Variants in CSMD1 observed in about 807,000 individuals in gnomAD.
The protein encoded by CSMD1 is CUB and Sushi multiple domains 1.
CSMD1 carries 213 observed loss-of-function variants against 417.5 expected under a neutral mutation model. That is an observed-to-expected ratio of 0.51 (90% CI 0.46 to 0.57). CSMD1 has a LOEUF of 0.57. CSMD1 is among the 20% of genes least tolerant of loss of function. The pLI is 0.00. For synonymous variants in CSMD1, 2,862 were observed against 1,736.8 expected, an observed-to-expected ratio of 1.65 and a Z score of -16.11; for missense variants, 6,923 against 4,529.7, an observed-to-expected ratio of 1.53 and a Z score of -15.17.
At chr8:4,415,846 T>C (rs1039974843) in intron 3 of CSMD1, among the ~76,000 whole-genome samples, 2 of 152,170 alleles carry the variant, frequency 1.3e-5, no homozygotes, top group African/African-American at 4.8e-5. Context: ...TGTGTATACG[T>C]AAATAAACGT....
At chr8:4,000,091 G>C (rs1815548525) in intron 4 of CSMD1, among the ~76,000 whole-genome samples, 4 of 152,248 alleles carry the variant, frequency 2.6e-5, no homozygotes, top group Admixed American at 2.6e-4. Context: ...ACTACCAAAT[G>C]TCTGTCCTGC....
chr8:3,247,246 G>A (rs770034147), intron 26 of CSMD1, among the ~76,000 whole-genome samples: 21 of 152,188 alleles, frequency 1.4e-4, no homozygotes, highest in South Asian at 2.1e-4. Context: ...CATTCACAGC[G>A]ATGTGGGTGG....
At position 3,553,612 on chromosome 8, in the gene CSMD1, C is replaced by A. The variant is rs547774520; in HGVS notation, c.1344+21333G>T. ...CATAAACCATAACTGTGATGTCCCTCCCAGCATTGCTAATGACAGTAAAAT... is the reference window on the plus strand; with the variant it reads ...CATAAACCATAACTGTGATGTCCCTACCAGCATTGCTAATGACAGTAAAAT... On this transcript the variant is annotated intron_variant, in intron 10 of 69. Coordinates refer to ENST00000635120, the MANE Select transcript of CSMD1 (RefSeq NM_033225.6). Among the ~76,000 whole-genome samples the A allele has an allele frequency of 2.6e-5, 4 of 152,312 alleles. No homozygotes were observed. In the South Asian group the frequency reaches 6.2e-4, roughly 24 times the overall value.
At chr8:2,962,976 A>G (rs559380791) in intron 60 of CSMD1, among the ~76,000 whole-genome samples, 1 of 152,128 alleles carries the variant, frequency 6.6e-6, no homozygotes, top group African/African-American at 2.4e-5. Context: ...TGAGCCCGAG[A>G]GATTGAGGCT....
At chr8:4,946,699 C>G (rs1808391917) in intron 1 of CSMD1, among the ~76,000 whole-genome samples, 1 of 152,200 alleles carries the variant, frequency 6.6e-6, no homozygotes, top group Non-Finnish European at 1.5e-5. Flanking sequence ...TTCACTCACT[C>G]TCCCCAAAGG....
At chr8:3,987,321 C>G (rs55902351) in intron 5 of CSMD1, among the ~76,000 whole-genome samples, 41,917 of 151,954 alleles carry the variant, frequency 0.28, 5,816 homozygotes, top group South Asian at 0.39. Context: ...TGCTTTCTTT[C>G]TCCTCCAAGT....
chr8:4,255,704 G>C (rs894502510), intron 3 of CSMD1, among the ~76,000 whole-genome samples: 7 of 152,156 alleles, frequency 4.6e-5, no homozygotes, highest in African/African-American at 9.7e-5. Context: ...AATTATCTTA[G>C]GCACTGTGAG....
chr8:3,868,752 C>G (rs1805279241), intron 5 of CSMD1, among the ~76,000 whole-genome samples: 1 of 152,298 alleles, frequency 6.6e-6, no homozygotes, highest in South Asian at 2.1e-4. Context: ...AACCCACATC[C>G]AACACATCAG....
At chr8:4,190,640 G>T (rs1006228549) in intron 3 of CSMD1, among the ~76,000 whole-genome samples, 1 of 151,528 alleles carries the variant, frequency 6.6e-6, no homozygotes, top group Admixed American at 6.6e-5. Flanking sequence ...TAATATTAGT[G>T]TTGTAATGAG....
intron 3 of CSMD1, among the ~76,000 whole-genome samples, chr8:4,124,947 TC>T (rs1275521205): frequency 3.9e-5 from 6 of 152,000 alleles, no homozygotes; most frequent in African/African-American, 1.5e-4. Flanking sequence ...CTCTTCCGGG[TC>T]CCCTTCCACC....
At chr8:4,390,554 C>A (rs1431096664) in intron 3 of CSMD1, among the ~76,000 whole-genome samples, 1 of 69,252 alleles carries the variant, frequency 1.4e-5, no homozygotes. Context: ...TGCTCTGTTG[C>A]CCAGGCTGGA....
chr8:3,118,508 T>G lies in CSMD1; in HGVS notation c.6321A>C (p.Gln2107His). The change falls in exon 42 of 70, where the codon CAA becomes CAC. Residue 2107 changes from glutamine to histidine, a missense_variant. By Grantham distance (24) the Gln-to-His change is conservative. Transcript: ENST00000635120. Reference sequence around the variant, plus strand: ...CAGGATAACACTCGAAAGATACTGATTGCCCCACGCTGTAATCCGAGTTGA... The same window carrying G: ...CAGGATAACACTCGAAAGATACTGAGTGCCCCACGCTGTAATCCGAGTTGA... ...YMINSDYSVGQSVSFECYPGY... is the reference protein window; with the variant it reads ...YMINSDYSVGHSVSFECYPGY... The G allele has an allele frequency of 6.2e-7, 1 of 1,613,884 alleles. No homozygotes were observed. Among genetic ancestry groups the G allele is most frequent in the East Asian group, 2.2e-5 (1 of 44,870 alleles).
At chr8:4,398,149 G>T (rs749754313) in intron 3 of CSMD1, among the ~76,000 whole-genome samples, 10 of 152,184 alleles carry the variant, frequency 6.6e-5, no homozygotes, top group Non-Finnish European at 1.3e-4. Context: ...AGAGCAGGTG[G>T]TTCTACAATG....
At chr8:2,953,889 C>G (rs116478397) in intron 65 of CSMD1, among the ~76,000 whole-genome samples, 1 of 152,204 alleles carries the variant, frequency 6.6e-6, no homozygotes, top group Non-Finnish European at 1.5e-5. Context: ...GGAAAAAAGT[C>G]GCAACCCTCT....
At chr8:4,253,171 C>A (rs1205292328) in intron 3 of CSMD1, among the ~76,000 whole-genome samples, 1 of 152,164 alleles carries the variant, frequency 6.6e-6, no homozygotes, top group African/African-American at 2.4e-5. Flanking sequence ...AGGAAACATT[C>A]TATCTGGTCT....
At chr8:4,055,332 T>C (rs568377387) in intron 3 of CSMD1, among the ~76,000 whole-genome samples, 4 of 152,262 alleles carry the variant, frequency 2.6e-5, no homozygotes, top group South Asian at 2.1e-4. Flanking sequence ...TAAATTTTTA[T>C]AGATTACAAA....
intron 7 of CSMD1, among the ~76,000 whole-genome samples, chr8:3,639,400 C>G (rs1027083263): frequency 3.3e-5 from 5 of 152,210 alleles, no homozygotes; most frequent in South Asian, 2.1e-4. Context: ...TCAAAATTCC[C>G]AGAAATCATT....
chr8:4,148,465 A>AT, intron 3 of CSMD1, among the ~76,000 whole-genome samples: 1 of 152,050 alleles, frequency 6.6e-6, no homozygotes, highest in Non-Finnish European at 1.5e-5. Flanking sequence ...ACATGTATAC[A>AT]TATGTAACGA....
rs1360879696 is a variant in CSMD1, at chr8:3,920,494, G to A, written c.818+77409C>T. Reference sequence around the variant, plus strand: ...ATTCTTTTACTTTCCTAATTGATCTGGCTAGGACTTTCAGTACTATATTAA... The same window carrying A: ...ATTCTTTTACTTTCCTAATTGATCTAGCTAGGACTTTCAGTACTATATTAA... On this transcript the variant is annotated intron_variant, in intron 5 of 69. Transcript: ENST00000635120. 2.0e-5 allele frequency among the ~76,000 whole-genome samples: 3 copies of A among 152,048 alleles called. No individual in the cohort carries two copies. The East Asian group carries it at 5.8e-4, about 29-fold the overall frequency.
Sources: gnomAD v4.1 joint callset for allele counts (sites outside exome capture counted in the v4.1 genomes callset) on GRCh38, gnomAD v4.1.1 for gene constraint, MANE v1.5 for transcripts, NCBI Gene and HGNC (gene_info 2026-07-23, HGNC 2026-07-21) for gene names.